NAV3: variants seen among roughly 807,000 people sequenced by gnomAD.
The protein encoded by NAV3 is pore membrane and/or filament interacting like protein 1.
NAV3 carries 87 observed loss-of-function variants against 244.7 expected under a neutral mutation model. The observed-to-expected ratio is 0.36, with a 90% confidence interval of 0.30 to 0.42. NAV3 has a LOEUF of 0.42. NAV3 is among the 20% of genes least tolerant of loss of function. The pLI is 1.00. For missense variants in NAV3, 2,663 were observed against 2,893.3 expected, an observed-to-expected ratio of 0.92 and a Z score of 1.83; for synonymous variants, 1,126 against 1,042.2, an observed-to-expected ratio of 1.08 and a Z score of -1.55.
intron 20 of NAV3, among the ~76,000 whole-genome samples, chr12:78,141,131 T>G (rs1956593478): frequency 1.3e-5 from 2 of 152,092 alleles, no homozygotes; most frequent in Non-Finnish European, 2.9e-5. Context: ...CTTCAAGCAA[T>G]TCCTCCTGCT....
intron 35 of NAV3, 44 bp from the exon 36 acceptor site, chr12:78,198,561 T>C (rs564104101): frequency 1.7e-6 from 2 of 1,188,676 alleles, no homozygotes; most frequent in African/African-American, 1.6e-5. Flanking sequence ...AATTAATCAC[T>C]TTTACCTCCA....
intron 1 of NAV3, among the ~76,000 whole-genome samples, chr12:77,916,358 A>C (rs981200593): frequency 8.3e-6 from 1 of 120,534 alleles, no homozygotes; most frequent in South Asian, 3.3e-4. Context: ...AAGACTAAAC[A>C]TAAGTCTCTT....
At chr12:77,719,757 T>C (rs1224068300) in intron 2 of NAV3, among the ~76,000 whole-genome samples, 4 of 152,166 alleles carry the variant, frequency 2.6e-5, no homozygotes, top group Non-Finnish European at 5.9e-5. Flanking sequence ...GTAGTATTCT[T>C]TTCTTGTAAT....
At chr12:77,628,032 G>T (rs118137828) in intron 2 of NAV3, among the ~76,000 whole-genome samples, 3,764 of 152,254 alleles carry the variant, frequency 0.025, 61 homozygotes, top group Middle Eastern at 0.085. Context: ...AGGTGGTGAA[G>T]AGTGATTAGT....
At chr12:77,899,399 A>G (rs1446276569) in intron 1 of NAV3, among the ~76,000 whole-genome samples, 1 of 152,192 alleles carries the variant, frequency 6.6e-6, no homozygotes, top group Non-Finnish European at 1.5e-5. Flanking sequence ...CAATTTCATC[A>G]ACCACCACCC....
chr12:78,025,083 G>A (rs765554775), intron 9 of NAV3, among the ~76,000 whole-genome samples: 14 of 152,034 alleles, frequency 9.2e-5, no homozygotes, highest in Non-Finnish European at 1.8e-4. Flanking sequence ...AAAAGAGTAC[G>A]GTTCAATCAC....
At chr12:77,886,572 A>G (rs906140497) in intron 1 of NAV3, among the ~76,000 whole-genome samples, 1 of 152,154 alleles carries the variant, frequency 6.6e-6, no homozygotes, top group Admixed American at 6.6e-5. Context: ...TGGACAACTC[A>G]TTGTTGAACT....
chr12:77,630,043 A>G (rs1022942266), intron 2 of NAV3, among the ~76,000 whole-genome samples: 9 of 152,230 alleles, frequency 5.9e-5, no homozygotes, highest in African/African-American at 1.2e-4. Context: ...AAGCAGTCCC[A>G]TGGATTTAAC....
At chr12:77,945,056 A>T (rs1890203180) in intron 3 of NAV3, among the ~76,000 whole-genome samples, 1 of 152,152 alleles carries the variant, frequency 6.6e-6, no homozygotes, top group South Asian at 2.1e-4. Flanking sequence ...AGTAACTCAG[A>T]AGTGCCAATA....
In NAV3 at chr12:78,007,359, G is replaced by C. The variant is rs1280272614; in HGVS notation, c.1821G>C (p.Gln607His). 1.9e-6 allele frequency: 3 copies of C among 1,614,178 alleles called. No individual in the cohort carries two copies. Among genetic ancestry groups the C allele is most frequent in the Non-Finnish European group, 1.7e-6 (2 of 1,180,026 alleles). Residue 607 changes from glutamine (Q) to histidine (H), a missense_variant, in exon 8 of 40, where the codon CAG becomes CAC. Physicochemically the swap from Gln to His is conservative, Grantham distance 24. Around this residue, in one of 6 missense-constraint regions of NAV3, gnomAD observed 1,521 missense variants for 1,497.0 expected, o/e 1.02. Transcript: ENST00000397909. Reference protein sequence around the residue: ...CTMTVAQSSGQSTGNGAVQLP... With the variant: ...CTMTVAQSSGHSTGNGAVQLP... ...TGACAGTGGCACAAAGCAGTGGGCA[G>C]AGCACAGGAAATGGTGCTGTCCAAC...
intron 1 of NAV3, among the ~76,000 whole-genome samples, chr12:77,888,289 C>T (rs1883529882): frequency 6.6e-6 from 1 of 151,986 alleles, no homozygotes; most frequent in Non-Finnish European, 1.5e-5. Flanking sequence ...GTTTGAGACT[C>T]AACTGAGACC....
intron 2 of NAV3, among the ~76,000 whole-genome samples, chr12:77,657,247 A>T (rs527439576): frequency 6.6e-6 from 1 of 152,254 alleles, no homozygotes; most frequent in South Asian, 2.1e-4. Context: ...AGAATCAACT[A>T]GACGCAATAA....
chr12:77,832,148 TTC>T (rs1303912259), intron 1 of NAV3, among the ~76,000 whole-genome samples: 32 of 152,318 alleles, frequency 2.1e-4, no homozygotes, highest in African/African-American at 7.5e-4. Flanking sequence ...TTCAAAGAAT[TTC>T]TGCTTGAAAA....
intron 12 of NAV3, among the ~76,000 whole-genome samples, chr12:78,070,140 C>A (rs978786811): frequency 6.6e-6 from 1 of 152,098 alleles, no homozygotes; most frequent in Non-Finnish European, 1.5e-5. Context: ...GCCACATCTA[C>A]CTGACTGTTC....
At chr12:78,190,782 T>C (rs1340888189) in intron 34 of NAV3, among the ~76,000 whole-genome samples, 1 of 152,084 alleles carries the variant, frequency 6.6e-6, no homozygotes, top group African/African-American at 2.4e-5. Flanking sequence ...CCATCTACGG[T>C]CTAATGTGCC....
At position 78,110,692 on chromosome 12, in the gene NAV3, T is replaced by G. The variant is rs2370380; in HGVS notation, c.2637-6080T>G. Among the ~76,000 whole-genome samples the G allele has an allele frequency of 7.4e-3, 1,121 of 151,198 alleles. 6 individuals carry two copies. The highest frequency in any genetic ancestry group is 0.017 in the Middle Eastern group (5 of 292). Reference sequence around the variant, plus strand: ...AAATAAAGCCATATATATATATATATAGTGTGTGTGTGTGTATACACACAT... The same window carrying G: ...AAATAAAGCCATATATATATATATAGAGTGTGTGTGTGTGTATACACACAT... On this transcript the variant is annotated intron_variant, in intron 12 of 39. Transcript: ENST00000397909.
At chr12:77,792,258 G>T (rs1040231855) in intron 2 of NAV3, among the ~76,000 whole-genome samples, 2 of 152,104 alleles carry the variant, frequency 1.3e-5, no homozygotes, top group African/African-American at 4.8e-5. Flanking sequence ...ACTCAGGTGG[G>T]CAAGAAATAA....
In NAV3 at chr12:77,654,103, G is replaced by A. The variant is rs544901364; in HGVS notation, c.72+81837G>A. ...CACTAGGGAGTGCCAGACAGTGGGC[G>A]CAGGTCAGTGGGTGCACGCACCGTG... is the stretch of plus-strand genomic sequence containing the variant. On this transcript the variant is annotated intron_variant, in intron 2 of 8. Coordinates refer to the NAV3 transcript ENST00000550042. Among the ~76,000 whole-genome samples, 555 of 152,266 alleles carry A rather than the reference G, an allele frequency of 3.6e-3. 4 individuals are homozygous for A. The highest frequency in any genetic ancestry group is 6.8e-3 in the Middle Eastern group (2 of 294).
intron 8 of NAV3, among the ~76,000 whole-genome samples, chr12:78,018,348 A>G (rs1413462657): frequency 6.6e-6 from 1 of 152,208 alleles, no homozygotes; most frequent in Non-Finnish European, 1.5e-5. Context: ...TAACCAATGG[A>G]ATTAAGTCTT....
Sources: gnomAD v4.1 joint callset for allele counts (sites outside exome capture counted in the v4.1 genomes callset) on GRCh38, gnomAD v4.1.1 for gene constraint, gnomAD v4.1.1 regional missense constraint, MANE v1.5 for transcripts, NCBI Gene and HGNC (gene_info 2026-07-23, HGNC 2026-07-21) for gene names.